Variants in TMC1 observed in about 807,000 individuals in gnomAD.
TMC1 encodes transmembrane channel-like protein 1.
A neutral mutation model predicts 105.8 loss-of-function variants in TMC1; 84 were observed. The observed-to-expected ratio is 0.79, with a 90% CI of 0.67 to 0.95. TMC1 has a LOEUF of 0.95. Ranked by LOEUF, TMC1 falls within the 40% of genes least tolerant of loss-of-function variation. The pLI, the probability that TMC1 is intolerant of heterozygous loss-of-function variation, is 0.00. For missense variants in TMC1, 817 were observed against 914.1 expected (o/e 0.89, Z 1.37); for synonymous variants, 315 against 311.5 (o/e 1.01, Z -0.12).
At chr9:72,724,734 A>G (rs1215407926) in intron 8 of TMC1, among the ~76,000 whole-genome samples, 2 of 152,098 alleles carry the variant, frequency 1.3e-5, no homozygotes, top group African/African-American at 4.8e-5. Flanking sequence ...GACACATTAA[A>G]TTTTCTGAGC....
chr9:72,819,320 T>G (rs1828834972), intron 19 of TMC1, among the ~76,000 whole-genome samples: 1 of 152,214 alleles, frequency 6.6e-6, no homozygotes, highest in African/African-American at 2.4e-5. Flanking sequence ...CACCTGATTT[T>G]TAGGAAGACT....
chr9:72,611,275 T>G (rs1323694408), intron 2 of TMC1, among the ~76,000 whole-genome samples: 1 of 152,182 alleles, frequency 6.6e-6, no homozygotes, highest in East Asian at 1.9e-4. Flanking sequence ...GAAGAAGAGT[T>G]GGTCAAAGAA....
intron 18 of TMC1, among the ~76,000 whole-genome samples, chr9:72,813,582 G>A (rs543962426): frequency 4.7e-4 from 71 of 152,296 alleles, no homozygotes; most frequent in African/African-American, 1.7e-3. Context: ...GCAAGCCATG[G>A]TGTCTCTATT....
At chr9:72,707,635 A>T (rs1209439093) in intron 8 of TMC1, among the ~76,000 whole-genome samples, 1 of 151,610 alleles carries the variant, frequency 6.6e-6, no homozygotes, top group East Asian at 1.9e-4. Context: ...AATTTGTTTG[A>T]GTTCTTTGTA....
chr9:72,717,690 A>G (rs1826943883), intron 8 of TMC1, among the ~76,000 whole-genome samples: 2 of 152,166 alleles, frequency 1.3e-5, no homozygotes, highest in Non-Finnish European at 2.9e-5. Context: ...TTTCCTTTAT[A>G]GGCTACCTGG....
intron 3 of TMC1, among the ~76,000 whole-genome samples, chr9:72,620,842 C>T (rs1825235745): frequency 6.6e-6 from 1 of 152,116 alleles, no homozygotes; most frequent in Admixed American, 6.6e-5. Flanking sequence ...AAGAAATTAA[C>T]CTCAGAAGGA....
At chr9:72,576,363 C>T (rs1015765567) in intron 1 of TMC1, among the ~76,000 whole-genome samples, 1 of 151,834 alleles carries the variant, frequency 6.6e-6, no homozygotes, top group Non-Finnish European at 1.5e-5. Context: ...CTTCTTGTCT[C>T]TCTCCTCCTC....
intron 8 of TMC1, among the ~76,000 whole-genome samples, chr9:72,707,273 C>A (rs1170365050): frequency 2.0e-5 from 3 of 151,968 alleles, no homozygotes; most frequent in African/African-American, 7.3e-5. Flanking sequence ...GGGTAGATAC[C>A]CTGTAGTGGG....
intron 4 of TMC1, among the ~76,000 whole-genome samples, chr9:72,631,866 A>G (rs548306721): frequency 7.2e-4 from 109 of 152,368 alleles, no homozygotes; most frequent in African/African-American, 2.5e-3. Context: ...CAGGAGCACA[A>G]GGCTACTAAA....
intron 2 of TMC1, among the ~76,000 whole-genome samples, chr9:72,578,906 G>A (rs1824431968): frequency 1.3e-5 from 2 of 152,180 alleles, no homozygotes; most frequent in African/African-American, 4.8e-5. Context: ...TCCCCCAGTT[G>A]TAGTTCCTTT....
At chr9:72,618,472 C>T (rs1023245669) in intron 3 of TMC1, among the ~76,000 whole-genome samples, 3 of 152,050 alleles carry the variant, frequency 2.0e-5, no homozygotes, top group Non-Finnish European at 1.5e-5. Context: ...GGTAGCATAA[C>T]CACACAGACA....
chr9:72,588,238 T>G (rs1824584518), intron 2 of TMC1, among the ~76,000 whole-genome samples: 1 of 152,234 alleles, frequency 6.6e-6, no homozygotes, highest in South Asian at 2.1e-4. Context: ...GCTTACTTAC[T>G]GCTGTATAAC....
chr9:72,630,119 G>A (rs1167582529), intron 4 of TMC1, among the ~76,000 whole-genome samples: 1 of 152,104 alleles, frequency 6.6e-6, no homozygotes, highest in African/African-American at 2.4e-5. Flanking sequence ...ACCTGCCTCA[G>A]CCTCCCAAAG....
intron 4 of TMC1, among the ~76,000 whole-genome samples, chr9:72,629,063 C>T (rs946882208): frequency 6.6e-6 from 1 of 152,132 alleles, no homozygotes; most frequent in African/African-American, 2.4e-5. Context: ...ATGCCATATT[C>T]TTTACCTATG....
Position 72,669,969 on chromosome 9 carries a change from C to T in TMC1, c.17-18740C>T, listed in dbSNP as rs138458389. On this transcript the variant is annotated intron_variant, in intron 5 of 23. Coordinates refer to ENST00000297784, the MANE Select transcript of TMC1 (RefSeq NM_138691.3). ...TACTGCCTGGAGAGAGATTCCAGGC[C>T]AGGGTGCAGAGAGAAGGGTTGCGAA... is the stretch of plus-strand genomic sequence containing the variant. Among the ~76,000 whole-genome samples the T allele has an allele frequency of 1.1e-3, 166 of 152,150 alleles. 1 individual carries two copies. The highest frequency in any genetic ancestry group is 3.8e-3 in the African/African-American group (156 of 41,506).
intron 1 of TMC1, among the ~76,000 whole-genome samples, chr9:72,560,970 C>G (rs1824035682): frequency 6.6e-6 from 1 of 151,938 alleles, no homozygotes; most frequent in South Asian, 2.1e-4. Flanking sequence ...TGACTATTTC[C>G]CATTCTATAC....
In TMC1 at chr9:72,662,352, A is replaced by ATT. The variant is rs11378166; in HGVS notation, c.16+13703_16+13704dup. 9.2e-4 allele frequency among the ~76,000 whole-genome samples: 128 copies of ATT among 138,690 alleles called. 2 individuals are homozygous for ATT. The highest frequency in any genetic ancestry group is 2.3e-3 in the African/African-American group (88 of 37,636). 91.0% of individuals were successfully genotyped at this position (138,690 alleles called of 152,430 possible). ...CAGATGTGCGCCACCACACTCAGCAATTTTTTTTTTTTTTTTGTATTTTTA... is the reference window on the plus strand; with the variant it reads ...CAGATGTGCGCCACCACACTCAGCAATTTTTTTTTTTTTTTTTTGTATTTTTA... On this transcript the variant is annotated intron_variant, in intron 5 of 23. Coordinates refer to ENST00000297784, the MANE Select transcript of TMC1 (RefSeq NM_138691.3).
chr9:72,565,066 G>A (rs1371503170), intron 1 of TMC1, among the ~76,000 whole-genome samples: 1 of 152,130 alleles, frequency 6.6e-6, no homozygotes, highest in East Asian at 1.9e-4. Flanking sequence ...TAAGACTTAG[G>A]AAAAAGAAGT....
intron 8 of TMC1, among the ~76,000 whole-genome samples, chr9:72,703,501 A>G (rs1343018822): frequency 6.6e-6 from 1 of 152,222 alleles, no homozygotes; most frequent in Non-Finnish European, 1.5e-5. Flanking sequence ...TTGGTCCTAC[A>G]TTCTTCCATC....
Sources: allele counts gnomAD v4.1 joint callset (sites outside exome capture counted in the v4.1 genomes callset), GRCh38; gene constraint gnomAD v4.1.1; transcripts MANE v1.5; gene names NCBI Gene and HGNC (gene_info 2026-07-23, HGNC 2026-07-21).